The following PROS1 variants were observed in gnomAD, a reference collection of about 807,000 sequenced individuals.
The protein encoded by PROS1 is protein S.
Under a neutral mutation model 75.9 loss-of-function variants are expected in PROS1, and 29 were observed. That is an observed-to-expected ratio of 0.38 (90% confidence interval 0.28 to 0.52). The LOEUF (loss-of-function observed/expected upper bound fraction) is 0.52. Among genes scored for constraint, PROS1 ranks in the 20% least tolerant of loss-of-function variants. The probability of loss-of-function intolerance (pLI) is 0.83; values close to 1 mark genes in which losing one functional copy is unlikely to be tolerated. For synonymous variants in PROS1, 245 were observed against 280.6 expected, an observed-to-expected ratio of 0.87 and a Z score of 1.27; for missense variants, 680 against 810.3, an observed-to-expected ratio of 0.84 and a Z score of 1.95.
At position 93,877,044 on chromosome 3, in the gene PROS1, C is replaced by A. The variant is rs1176788313; in HGVS notation, c.1792G>T (p.Glu598Ter). Residue 598 changes from glutamate to a stop codon, truncating the protein, a stop_gained, in exon 14 of 15, where the codon GAA becomes TAA. Transcript: ENST00000394236. LOFTEE classifies it high-confidence loss of function. ...ACGGCAAGTTGTCTTTGAAGGTCTTCATGGGAGATGGTTTCTATTTTAAGT... is the reference window on the plus strand; with the variant it reads ...ACGGCAAGTTGTCTTTGAAGGTCTTAATGGGAGATGGTTTCTATTTTAAGT... ...TPLKIETISH[E>*]DLQRQLAVLD... 1 of 1,613,886 alleles carries A rather than the reference C, an allele frequency of 6.2e-7. No homozygotes were observed. Among genetic ancestry groups the A allele is most frequent in the African/African-American group, 1.3e-5 (1 of 74,900 alleles).
intron 1 of PROS1, 130 bp downstream of exon 1, chr3:93,973,544 G>A: frequency 3.3e-6 from 3 of 900,668 alleles, no homozygotes; most frequent in East Asian, 2.7e-5. Context: ...CCATCCGCTG[G>A]GTGTCTGTCG....
chr3:93,966,507 A>G (rs980778233), intron 1 of PROS1, among the ~76,000 whole-genome samples: 16 of 152,242 alleles, frequency 1.1e-4, no homozygotes, highest in South Asian at 4.1e-4. Flanking sequence ...CTAAGTGTCC[A>G]GTAGGCAGCA....
At chr3:93,935,148 G>A (rs8178607) in intron 1 of PROS1, among the ~76,000 whole-genome samples, 28,700 of 152,102 alleles carry the variant, frequency 0.19, 3,241 homozygotes, top group Non-Finnish European at 0.25. Context: ...CAATGAAGAT[G>A]CTTCATTGAA....
At chr3:93,892,843 A>T in intron 10 of PROS1, 90 bp downstream of exon 10, 1 of 1,266,936 alleles carries the variant, frequency 7.9e-7, no homozygotes, top group South Asian at 1.2e-5. Context: ...CTCCAAATCC[A>T]TTTTGGTTTG....
At chr3:93,890,352 T>C (rs1455790561) in intron 10 of PROS1, among the ~76,000 whole-genome samples, 3 of 152,220 alleles carry the variant, frequency 2.0e-5, no homozygotes, top group African/African-American at 7.2e-5. Flanking sequence ...TTGGACTCTT[T>C]ATCAGTAGTT....
At chr3:93,911,372 T>C (rs1708757843) in intron 3 of PROS1, among the ~76,000 whole-genome samples, 1 of 152,158 alleles carries the variant, frequency 6.6e-6, no homozygotes, top group African/African-American at 2.4e-5. Context: ...AAAAATATAT[T>C]TCTTAAGAGG....
intron 1 of PROS1, among the ~76,000 whole-genome samples, chr3:93,927,829 C>T (rs558003078): frequency 1.1e-4 from 15 of 136,494 alleles, no homozygotes; most frequent in African/African-American, 3.7e-4. Flanking sequence ...ATAGTGAGAC[C>T]CCATTTCTAC....
chr3:93,922,033 A>C (rs1207953497), intron 3 of PROS1, among the ~76,000 whole-genome samples: 1 of 152,162 alleles, frequency 6.6e-6, no homozygotes, highest in East Asian at 1.9e-4. Flanking sequence ...TGTCAGTTAG[A>C]ACCCAATCCC....
At chr3:93,966,883 C>T (rs1709799433) in intron 1 of PROS1, among the ~76,000 whole-genome samples, 1 of 151,870 alleles carries the variant, frequency 6.6e-6, no homozygotes, top group Non-Finnish European at 1.5e-5. Flanking sequence ...GGGATGTGCG[C>T]CAGTGTTGTC....
Position 93,873,221 on chromosome 3 carries a change from T to C in PROS1, c.*1024A>G, listed in dbSNP as rs1043320133. 5 of 152,224 alleles carry C rather than the reference T, an allele frequency of 3.3e-5. No homozygotes were observed. The highest frequency in any genetic ancestry group is 1.2e-4 in the African/African-American group (5 of 41,466). The allele number at this position is 152,224 out of a possible 1,614,324, so 9.4% of individuals were successfully genotyped here. ...TACACATCTGGCTATGAATGGTAGATTCAAACGTGATAAAACTGCCACTTG... is the reference window on the plus strand; with the variant it reads ...TACACATCTGGCTATGAATGGTAGACTCAAACGTGATAAAACTGCCACTTG... On this transcript the variant is annotated 3_prime_UTR_variant, in exon 15 of 15. Transcript: ENST00000394236.
chr3:93,966,271 C>G (rs1185863671), intron 1 of PROS1, among the ~76,000 whole-genome samples: 1 of 152,136 alleles, frequency 6.6e-6, no homozygotes, highest in Non-Finnish European at 1.5e-5. Context: ...AATGGTCTTT[C>G]CAGAGGTTCA....
At chr3:93,963,882 C>A (rs181175101) in intron 1 of PROS1, among the ~76,000 whole-genome samples, 1 of 152,180 alleles carries the variant, frequency 6.6e-6, no homozygotes, top group Admixed American at 6.5e-5. Context: ...CCTCCCCTCC[C>A]CTTCCGTTCC....
At chr3:93,969,447 T>C (rs1351832082) in intron 1 of PROS1, among the ~76,000 whole-genome samples, 3 of 152,238 alleles carry the variant, frequency 2.0e-5, no homozygotes, top group Non-Finnish European at 4.4e-5. Flanking sequence ...CCAGCATCCA[T>C]TCTTTTGTGG....
In PROS1 at chr3:93,896,601, T is replaced by G. The variant is rs930799319; in HGVS notation, c.940A>C (p.Lys314Gln). ...EQFAGVVLYL[K>Q]FRLPEISRFS... ...CTGCTGATTTCTGGCAAACGAAATT[T>G]TAAATATAAAACAACCCCTGCAAAC... Residue 314 changes from lysine to glutamine, a missense_variant, in exon 9 of 15, where the codon AAA (lysine) becomes CAA (glutamine). Physicochemically the swap from Lys to Gln is moderately conservative, Grantham distance 53 (BLOSUM62 1). Transcript: ENST00000394236. 1.9e-6 allele frequency: 3 copies of G among 1,613,206 alleles called. No individual in the cohort carries two copies. The highest frequency in any genetic ancestry group is 1.3e-5 in the African/African-American group (1 of 74,872).
chr3:93,877,248 G>C lies in PROS1; in HGVS notation c.1645-57C>G, dbSNP rs1384185789. 9 of 1,362,148 alleles carry C rather than the reference G, an allele frequency of 6.6e-6. No individual in the cohort carries two copies. The African/African-American group carries it at 7.2e-5, about 11-fold the overall frequency. The allele number at this position is 1,362,148 out of a possible 1,614,324, so 84.4% of individuals were successfully genotyped here. On this transcript the variant is annotated intron_variant, in intron 13 of 14. Transcript: ENST00000394236. Reference sequence around the variant, plus strand: ...AAGGAGTAAGAGTAATGCTGCTTAAGAGTGACTTTTGAGTTTTTGAAAGTC... The same window carrying C: ...AAGGAGTAAGAGTAATGCTGCTTAACAGTGACTTTTGAGTTTTTGAAAGTC...
At chr3:93,940,233 C>T (rs527787060) in intron 1 of PROS1, among the ~76,000 whole-genome samples, 43 of 152,288 alleles carry the variant, frequency 2.8e-4, no homozygotes, top group African/African-American at 8.4e-4. Context: ...CCAAGGCTCT[C>T]GGATTGACGC....
intron 12 of PROS1, among the ~76,000 whole-genome samples, chr3:93,884,194 CA>C (rs1708312912): frequency 2.0e-5 from 3 of 152,104 alleles, no homozygotes; most frequent in Admixed American, 1.3e-4. Context: ...GCAAGAAAAA[CA>C]ACACTTGGTC....
At chr3:93,898,392 C>G in intron 8 of PROS1, 56 bp downstream of exon 8, 2 of 1,589,818 alleles carry the variant, frequency 1.3e-6, no homozygotes, top group Non-Finnish European at 1.7e-6. Flanking sequence ...AAATAAGTAT[C>G]TAGGATCTCT....
chr3:93,933,128 G>T (rs754091563), intron 1 of PROS1, among the ~76,000 whole-genome samples: 1 of 152,158 alleles, frequency 6.6e-6, no homozygotes, highest in East Asian at 1.9e-4. Context: ...CACTTGGGTT[G>T]GCCAAGTATT....
Sources: gnomAD v4.1 joint callset for allele counts (sites outside exome capture counted in the v4.1 genomes callset) on GRCh38, gnomAD v4.1.1 for gene constraint, MANE v1.5 for transcripts, NCBI Gene and HGNC (gene_info 2026-07-23, HGNC 2026-07-21) for gene names.